IQCJ: variants seen among roughly 807,000 people sequenced by gnomAD.
IQCJ encodes the protein IQ domain-containing protein J.
IQCJ carries 9 observed loss-of-function variants against 11.0 expected under a neutral mutation model. That is an observed-to-expected ratio of 0.82 (90% CI 0.49 to 1.43). The LOEUF is 1.43. IQCJ is among the 40% of genes most tolerant of loss of function. The probability of loss-of-function intolerance (pLI) is 0.00; values close to 1 mark genes in which losing one functional copy is unlikely to be tolerated. For synonymous variants in IQCJ, 55 were observed against 51.3 expected (o/e 1.07, Z -0.31); for missense variants, 146 against 133.2 (o/e 1.10, Z -0.47).
intron 1 of IQCJ, among the ~76,000 whole-genome samples, chr3:159,167,759 C>T (rs963673500): frequency 6.6e-6 from 1 of 152,054 alleles, no homozygotes; most frequent in Non-Finnish European, 1.5e-5. Context: ...ATTTTACGTC[C>T]CAGGTAGCTC....
rs187762742 is a variant in IQCJ, at chr3:159,137,197, G to C, written c.9+67756G>C. Among the ~76,000 whole-genome samples the C allele has an allele frequency of 4.9e-4, 75 of 151,886 alleles. 1 individual carries two copies. Among genetic ancestry groups the C allele is most frequent in the African/African-American group, 1.7e-3 (72 of 41,370 alleles). On this transcript the variant is annotated intron_variant, in intron 1 of 3. Coordinates refer to ENST00000397832, the MANE Select transcript of IQCJ (RefSeq NM_001042706.3). ...GAATTGCTTGAACTTGGGAGGCGGA[G>C]GTTTCAGTGAGCAAAGATTGTGCCA... is the stretch of plus-strand genomic sequence containing the variant.
At chr3:159,069,854 T>A (rs1254879429) in intron 1 of IQCJ, 5 of 301,134 alleles carry the variant, frequency 1.7e-5, no homozygotes, top group Non-Finnish European at 3.3e-5. Context: ...TGTGTGTGTG[T>A]GTGTGTGTGT....
At chr3:159,163,555 G>A (rs994162351) in intron 1 of IQCJ, among the ~76,000 whole-genome samples, 4 of 152,114 alleles carry the variant, frequency 2.6e-5, no homozygotes, top group Admixed American at 2.6e-4. Context: ...AGTAGAGATG[G>A]GGTTTCACCA....
At chr3:159,253,977 G>T (rs901290838) in intron 3 of IQCJ, among the ~76,000 whole-genome samples, 2 of 152,212 alleles carry the variant, frequency 1.3e-5, no homozygotes, top group Non-Finnish European at 1.5e-5. Context: ...TCAAGATGAA[G>T]TCCAAACAAG....
chr3:159,228,325 CAT>C (rs1302464550), intron 1 of IQCJ, among the ~76,000 whole-genome samples: 8 of 152,194 alleles, frequency 5.3e-5, no homozygotes, highest in Admixed American at 5.2e-4. Context: ...CCAATTCTGA[CAT>C]ATCTCGGTTT....
chr3:159,143,888 T>C (rs753492764), intron 1 of IQCJ, among the ~76,000 whole-genome samples: 10 of 152,148 alleles, frequency 6.6e-5, no homozygotes, highest in Non-Finnish European at 1.0e-4. Flanking sequence ...ACTGGCAAGT[T>C]TGGTGTCCCT....
chr3:159,138,190 T>C (rs922559546), intron 1 of IQCJ, among the ~76,000 whole-genome samples: 1 of 152,160 alleles, frequency 6.6e-6, no homozygotes, highest in African/African-American at 2.4e-5. Context: ...AGACTGACAG[T>C]CTGGTTTTTC....
intron 1 of IQCJ, among the ~76,000 whole-genome samples, chr3:159,208,050 A>G (rs1724756108): frequency 6.6e-6 from 1 of 152,144 alleles, no homozygotes; most frequent in Non-Finnish European, 1.5e-5. Flanking sequence ...ATTTGCCGGT[A>G]TGGGAGTGGA....
At chr3:159,145,515 T>C (rs1720875614) in intron 1 of IQCJ, among the ~76,000 whole-genome samples, 1 of 151,904 alleles carries the variant, frequency 6.6e-6, no homozygotes, top group African/African-American at 2.4e-5. Context: ...GTGTGAGTTG[T>C]AAAAAAATGT....
chr3:159,195,342 T>G (rs1723922187), intron 1 of IQCJ, among the ~76,000 whole-genome samples: 1 of 152,140 alleles, frequency 6.6e-6, no homozygotes, highest in South Asian at 2.1e-4. Flanking sequence ...TTGACCCTGG[T>G]TATTGGTTTG....
At chr3:159,254,305 G>A (rs1037950838) in intron 3 of IQCJ, among the ~76,000 whole-genome samples, 1 of 152,250 alleles carries the variant, frequency 6.6e-6, no homozygotes, top group Non-Finnish European at 1.5e-5. Flanking sequence ...GGGCTGTGGG[G>A]TAGGTACCAG....
chr3:159,117,704 G>A (rs1719112091), intron 1 of IQCJ, among the ~76,000 whole-genome samples: 1 of 152,202 alleles, frequency 6.6e-6, no homozygotes, highest in Non-Finnish European at 1.5e-5. Context: ...TAGTTGTTGA[G>A]TGTCTTCTAT....
chr3:159,243,183 AG>A (rs1479076970), intron 1 of IQCJ, among the ~76,000 whole-genome samples: 1 of 152,210 alleles, frequency 6.6e-6, no homozygotes, highest in Non-Finnish European at 1.5e-5. Flanking sequence ...AAACTGTGGA[AG>A]TTTCTTTATA....
At chr3:159,248,102 T>G (rs1433173921) in intron 2 of IQCJ, among the ~76,000 whole-genome samples, 1 of 152,200 alleles carries the variant, frequency 6.6e-6, no homozygotes, top group African/African-American at 2.4e-5. Context: ...CCAGACAAAA[T>G]TTTTAACCAT....
chr3:159,200,916 T>C (rs887450378), intron 1 of IQCJ, among the ~76,000 whole-genome samples: 1 of 151,922 alleles, frequency 6.6e-6, no homozygotes, highest in African/African-American at 2.4e-5. Flanking sequence ...AAGTGTGTAG[T>C]TGGGGGAGGT....
At chr3:159,223,340 A>G (rs1004587041) in intron 1 of IQCJ, among the ~76,000 whole-genome samples, 3 of 152,130 alleles carry the variant, frequency 2.0e-5, no homozygotes, top group Admixed American at 1.3e-4. Context: ...ATATAACAAA[A>G]CTATTTGAAG....
intron 1 of IQCJ, among the ~76,000 whole-genome samples, chr3:159,227,333 C>T (rs996218807): frequency 6.6e-6 from 1 of 152,146 alleles, no homozygotes; most frequent in Non-Finnish European, 1.5e-5. Context: ...ATTTCAAGGT[C>T]TATTAAAGTT....
intron 1 of IQCJ, among the ~76,000 whole-genome samples, chr3:159,194,717 C>T (rs1275281435): frequency 6.6e-6 from 1 of 152,174 alleles, no homozygotes; most frequent in African/African-American, 2.4e-5. Context: ...CCATCTTCTG[C>T]CATGGCAATT....
At chr3:159,087,143 G>T (rs1716842205) in intron 1 of IQCJ, among the ~76,000 whole-genome samples, 2 of 152,250 alleles carry the variant, frequency 1.3e-5, no homozygotes, top group Non-Finnish European at 2.9e-5. Context: ...GTTGAATTTT[G>T]CCAAAGGCCT....
Sources: allele counts gnomAD v4.1 joint callset (sites outside exome capture counted in the v4.1 genomes callset), GRCh38; gene constraint gnomAD v4.1.1; transcripts MANE v1.5; gene names NCBI Gene and HGNC (gene_info 2026-07-23, HGNC 2026-07-21).